Variants in NAALADL2 observed in about 807,000 individuals in gnomAD.
NAALADL2 encodes N-acetylated alpha-linked acidic dipeptidase like 2, also known as inactive N-acetylated-alpha-linked acidic dipeptidase-like protein 2.
NAALADL2 carries 76 observed loss-of-function variants against 87.2 expected under a neutral mutation model. The observed-to-expected ratio is 0.87, with a 90% CI of 0.72 to 1.05. NAALADL2 has a LOEUF of 1.05. Among genes scored for constraint, NAALADL2 ranks in the 50% least tolerant of loss-of-function variants. The pLI, the probability that NAALADL2 is intolerant of heterozygous loss-of-function variation, is 0.00. For missense variants in NAALADL2, 1,089 were observed against 945.8 expected, an observed-to-expected ratio of 1.15 and a Z score of -1.99; for synonymous variants, 354 against 331.0, an observed-to-expected ratio of 1.07 and a Z score of -0.75.
At chr3:175,781,789 C>A (rs1438733572) in intron 13 of NAALADL2, among the ~76,000 whole-genome samples, 4 of 151,506 alleles carry the variant, frequency 2.6e-5, no homozygotes, top group Non-Finnish European at 5.9e-5. Flanking sequence ...TATACATGTG[C>A]CATGCTGGTG....
At chr3:174,807,441 T>A (rs1458162812) in intron 3 of NAALADL2, among the ~76,000 whole-genome samples, 1 of 152,142 alleles carries the variant, frequency 6.6e-6, no homozygotes, top group Non-Finnish European at 1.5e-5. Context: ...TTATCAGATA[T>A]AGCATTCACT....
At chr3:174,895,171 A>C (rs1731351459) in intron 1 of NAALADL2, among the ~76,000 whole-genome samples, 6 of 152,136 alleles carry the variant, frequency 3.9e-5, no homozygotes, top group Admixed American at 3.9e-4. Flanking sequence ...GAAAAGAAAT[A>C]ATAAAGATCA....
chr3:175,768,065 C>A (rs191107635), intron 13 of NAALADL2, among the ~76,000 whole-genome samples: 4 of 152,198 alleles, frequency 2.6e-5, no homozygotes, highest in Admixed American at 1.3e-4. Flanking sequence ...TGACTTGTGC[C>A]ATAATTGGTC....
intron 2 of NAALADL2, among the ~76,000 whole-genome samples, chr3:175,187,638 A>G (rs1364639719): frequency 1.3e-5 from 2 of 152,184 alleles, no homozygotes; most frequent in South Asian, 2.1e-4. Flanking sequence ...TCATTTGAAG[A>G]CACATCTTTT....
At chr3:174,649,915 T>C (rs1026717949) in intron 2 of NAALADL2, among the ~76,000 whole-genome samples, 12 of 152,124 alleles carry the variant, frequency 7.9e-5, no homozygotes, top group African/African-American at 2.9e-4. Context: ...CATATCTATC[T>C]TACATACAAC....
At chr3:175,456,674 GACAA>G (rs773624513) in intron 6 of NAALADL2, among the ~76,000 whole-genome samples, 8 of 152,082 alleles carry the variant, frequency 5.3e-5, no homozygotes, top group South Asian at 2.1e-4. Flanking sequence ...TGAATCATCT[GACAA>G]ACAATGACAT....
At chr3:174,851,124 G>A (rs1307013461) in intron 3 of NAALADL2, among the ~76,000 whole-genome samples, 1 of 151,808 alleles carries the variant, frequency 6.6e-6, no homozygotes. Flanking sequence ...GTAGTGAGAG[G>A]GAAGCTTAGA....
At position 174,882,762 on chromosome 3, in the gene NAALADL2, T is replaced by C. The variant is rs192389405; in HGVS notation, c.43+23312T>C. 1.8e-3 allele frequency among the ~76,000 whole-genome samples: 267 copies of C among 146,364 alleles called. 3 individuals are homozygous for C. Among genetic ancestry groups the C allele is most frequent in the African/African-American group, 6.6e-3 (262 of 39,408 alleles). The stretch of plus-strand genomic sequence containing the variant: ...ATGTGTATATACACACGTGTATATA[T>C]ACACACGTGTATATATACATATGTG... On this transcript the variant is annotated intron_variant, in intron 1 of 13. Coordinates refer to ENST00000454872, the MANE Select transcript of NAALADL2 (RefSeq NM_207015.3).
chr3:174,729,753 T>C (rs1467141728), intron 2 of NAALADL2, among the ~76,000 whole-genome samples: 1 of 151,992 alleles, frequency 6.6e-6, no homozygotes, highest in Non-Finnish European at 1.5e-5. Flanking sequence ...CCTCTTGTTT[T>C]GAAAAAAATT....
chr3:175,188,189 A>G (rs1226331466), intron 2 of NAALADL2, among the ~76,000 whole-genome samples: 3 of 152,194 alleles, frequency 2.0e-5, no homozygotes, highest in Non-Finnish European at 4.4e-5. Context: ...GACCTGTAAT[A>G]CCTGGCAGCA....
chr3:175,568,345 C>T, intron 9 of NAALADL2, among the ~76,000 whole-genome samples: 1 of 151,980 alleles, frequency 6.6e-6, no homozygotes, highest in East Asian at 1.9e-4. Context: ...ACATGGCACA[C>T]ACAGTAAATA....
intron 1 of NAALADL2, among the ~76,000 whole-genome samples, chr3:174,999,946 G>T (rs968348333): frequency 2.0e-5 from 3 of 151,676 alleles, no homozygotes; most frequent in African/African-American, 7.3e-5. Context: ...ACCTTTTCTT[G>T]GTGTGCCAGA....
At chr3:174,452,179 A>G (rs2108274451) in intron 1 of NAALADL2, among the ~76,000 whole-genome samples, 1 of 152,198 alleles carries the variant, frequency 6.6e-6, no homozygotes, top group East Asian at 1.9e-4. Context: ...ACTAACAGAC[A>G]CCTGTTACTT....
At chr3:174,817,145 C>T (rs1016320886) in intron 3 of NAALADL2, among the ~76,000 whole-genome samples, 2 of 152,146 alleles carry the variant, frequency 1.3e-5, no homozygotes, top group African/African-American at 4.8e-5. Flanking sequence ...AAAATCAACA[C>T]ATTGAGTGAC....
chr3:174,899,375 T>C (rs925710374), intron 1 of NAALADL2, among the ~76,000 whole-genome samples: 16 of 152,218 alleles, frequency 1.1e-4, no homozygotes, highest in Middle Eastern at 6.8e-3. Flanking sequence ...GTGTTATAGG[T>C]GGGGCCTGGT....
chr3:175,782,829 A>G (rs2150221861), intron 13 of NAALADL2, among the ~76,000 whole-genome samples: 1 of 148,238 alleles, frequency 6.7e-6, no homozygotes, highest in Admixed American at 6.6e-5. Context: ...TAGGTTTTTT[A>G]TGGTTTTAGG....
chr3:175,133,671 A>T (rs1453307178), intron 2 of NAALADL2, among the ~76,000 whole-genome samples: 5 of 152,172 alleles, frequency 3.3e-5, no homozygotes, highest in Non-Finnish European at 4.4e-5. Flanking sequence ...AGATGGCAGC[A>T]GTACAGTCCA....
intron 2 of NAALADL2, among the ~76,000 whole-genome samples, chr3:174,604,975 A>C (rs1187422134): frequency 1.4e-5 from 2 of 147,866 alleles, no homozygotes; most frequent in Non-Finnish European, 3.0e-5. Flanking sequence ...CTGATCTTGA[A>C]CTCCTGACCT....
intron 4 of NAALADL2, among the ~76,000 whole-genome samples, chr3:175,296,050 A>T (rs1259848620): frequency 6.6e-6 from 1 of 152,136 alleles, no homozygotes; most frequent in Non-Finnish European, 1.5e-5. Flanking sequence ...ACATTCTCCT[A>T]TCAGGGGAAG....
Sources: gnomAD v4.1 joint callset for allele counts (sites outside exome capture counted in the v4.1 genomes callset) on GRCh38, gnomAD v4.1.1 for gene constraint, MANE v1.5 for transcripts, NCBI Gene and HGNC (gene_info 2026-07-23, HGNC 2026-07-21) for gene names.